Variants in PYGL observed in about 807,000 individuals in gnomAD.
PYGL encodes the protein glycogen phosphorylase, liver form.
A neutral mutation model predicts 100.1 loss-of-function variants in PYGL; 90 were observed. That is an observed-to-expected ratio of 0.90 (90% confidence interval 0.76 to 1.07). The LOEUF (loss-of-function observed/expected upper bound fraction) is 1.07, where lower values mean the gene tolerates loss of function less well. Ranked by LOEUF, PYGL falls within the 50% of genes least tolerant of loss-of-function variation. PYGL has a pLI of 0.00. For missense variants in PYGL, 1,016 were observed against 1,057.6 expected, an observed-to-expected ratio of 0.96 and a Z score of 0.55; for synonymous variants, 373 against 393.0, an observed-to-expected ratio of 0.95 and a Z score of 0.60.
chr14:50,921,215 CA>C (rs2050498044), intron 5 of PYGL, 148 bp from the exon 6 acceptor site: 2 of 658,352 alleles, frequency 3.0e-6, no homozygotes, highest in Non-Finnish European at 5.4e-6. Context: ...AAGAGGGTCT[CA>C]GGGCTGCAGA....
chr14:50,931,824 C>T, intron 3 of PYGL, 48 bp from the exon 4 acceptor site: 1 of 1,507,050 alleles, frequency 6.6e-7, no homozygotes, highest in Middle Eastern at 1.7e-4. Context: ...TAAGCTGAGC[C>T]AAAATTTCCA....
rs945914949 is a variant in PYGL at position 50,944,456 on chromosome 14, C to T, written c.-53G>A. 2 of 1,542,116 alleles carry T rather than the reference C, an allele frequency of 1.3e-6. No homozygotes were observed. The highest frequency in any genetic ancestry group is 1.4e-5 in the African/African-American group (1 of 73,238). On this transcript the variant is annotated 5_prime_UTR_variant, in exon 1 of 20. Coordinates refer to ENST00000216392, the MANE Select transcript of PYGL (RefSeq NM_002863.5). ...CTGCGCAGAGAGCTGGAAGTGCGGC[C>T]GGAGGCGCTGGGCTGCCGGGCAGGG...
At position 50,913,140 on chromosome 14, in the gene PYGL, C is replaced by T; in HGVS notation, c.1519-10G>A. On this transcript the variant is annotated splice_polypyrimidine_tract_variant and intron_variant, in intron 12 of 19. Coordinates refer to ENST00000216392, the MANE Select transcript of PYGL (RefSeq NM_002863.5). ...AGTCTTCTCCAATTTTCTTTCAATT[C>T]AAAGGAAAAGATGACTTCAATTTGG... The T allele has an allele frequency of 6.2e-7, 1 of 1,612,086 alleles. No homozygotes were observed. Among genetic ancestry groups the T allele is most frequent in the Non-Finnish European group, 8.5e-7 (1 of 1,178,574 alleles).
intron 3 of PYGL, 45 bp from the exon 4 acceptor site, chr14:50,931,821 A>G (rs1198450616): frequency 1.3e-6 from 2 of 1,546,086 alleles, no homozygotes; most frequent in South Asian, 1.1e-5. Context: ...CATTAAGCTG[A>G]GCCAAAATTT....
intron 19 of PYGL, among the ~76,000 whole-genome samples, chr14:50,907,314 G>A (rs1458770702): frequency 6.6e-6 from 1 of 151,988 alleles, no homozygotes; most frequent in Non-Finnish European, 1.5e-5. Context: ...CCCCCTCCAT[G>A]AGAAGTCCAG....
In PYGL at chr14:50,930,928, T is replaced by TA. The variant is rs1555327906; in HGVS notation, c.528+744dup. On this transcript the variant is annotated intron_variant, in intron 4 of 19. Coordinates refer to ENST00000216392, the MANE Select transcript of PYGL (RefSeq NM_002863.5). ...TGTAGACTCAAACAGTTACCAGAGA[T>TA]AAAAAAAAAATAAGTACCTAACAAT... is the stretch of plus-strand genomic sequence containing the variant. 6.8e-4 allele frequency among the ~76,000 whole-genome samples: 90 copies of TA among 132,140 alleles called. No homozygotes were observed. The South Asian group carries it at 0.011, about 16-fold the overall frequency. The allele number at this position is 132,140 out of a possible 152,430, so 86.7% of individuals were successfully genotyped here.
At chr14:50,919,677 GT>G (rs1322588386) in intron 7 of PYGL, among the ~76,000 whole-genome samples, 11 of 151,978 alleles carry the variant, frequency 7.2e-5, no homozygotes, top group African/African-American at 2.7e-4. Flanking sequence ...GTGTGTGTGT[GT>G]GTGTGTGTGT....
Position 50,905,403 on chromosome 14 carries a change from T to A in PYGL, c.2533A>T (p.Asn845Tyr). Residue 845 changes from asparagine to tyrosine, a missense_variant, in exon 20 of 20, where the codon AAT becomes TAT. By Grantham distance (143) the Asn-to-Tyr change is moderately radical. Transcript: ENST00000216392. ...GACAATTCTAGAGTTCAATTTCCAT[T>A]GACTTTGTTAGATTCATTGGATAGA... is the stretch of plus-strand genomic sequence containing the variant. The part of the protein sequence containing the change: ...ISLSNESNKV[N>Y]GN 4 of 1,612,886 alleles carry A rather than the reference T, an allele frequency of 2.5e-6. No homozygotes were observed. Among genetic ancestry groups the A allele is most frequent in the East Asian group, 2.2e-5 (1 of 44,870 alleles).
Position 50,908,928 on chromosome 14 carries a change from T to G in PYGL, c.2205A>C (p.Ala735=). The change falls in exon 18 of 20, where the codon GCA becomes GCC. Residue 735 remains alanine (A), a synonymous_variant. Transcript: ENST00000216392. ...KGYEAKEYYE[A]LPELKLVIDQ... ...CAATGACCAGCTTCAGCTCTGGAAG[T>G]GCCTCATAGTATTCTTTTGCCTCGT... The G allele has an allele frequency of 6.4e-7, 1 of 1,565,300 alleles. No homozygotes were observed. The highest frequency in any genetic ancestry group is 1.4e-5 in the African/African-American group (1 of 73,086).
chr14:50,909,067 GCATT>G, intron 17 of PYGL, 112 bp from the exon 18 acceptor site: 1 of 1,214,574 alleles, frequency 8.2e-7, no homozygotes, highest in South Asian at 1.3e-5. Flanking sequence ...AGAAATACTA[GCATT>G]CAAAGACTTC....
chr14:50,933,186 G>T (rs980789320), intron 3 of PYGL, among the ~76,000 whole-genome samples: 1 of 152,196 alleles, frequency 6.6e-6, no homozygotes, highest in Non-Finnish European at 1.5e-5. Flanking sequence ...AAGACTGAGG[G>T]CTCGGGCTTC....
chr14:50,919,055 A>G (rs1353987808), intron 7 of PYGL, among the ~76,000 whole-genome samples: 1 of 152,162 alleles, frequency 6.6e-6, no homozygotes, highest in Admixed American at 6.6e-5. Flanking sequence ...AAACAAACAA[A>G]CAAAAACATG....
At chr14:50,925,318 G>A (rs1471559084) in intron 4 of PYGL, among the ~76,000 whole-genome samples, 2 of 152,186 alleles carry the variant, frequency 1.3e-5, no homozygotes, top group Non-Finnish European at 2.9e-5. Flanking sequence ...TTGCATATGT[G>A]TTGTATTGTT....
At position 50,908,709 on chromosome 14, in the gene PYGL, T is replaced by C. The variant is rs1294013078; in HGVS notation, c.2312+112A>G. ...GCTAATCTACATGAGTGGGTTTAAG[T>C]TGGTTTAAGATTGGTTTAAGATTTT... is the stretch of plus-strand genomic sequence containing the variant. On this transcript the variant is annotated intron_variant, in intron 18 of 19. Coordinates refer to ENST00000216392, the MANE Select transcript of PYGL (RefSeq NM_002863.5). 4.2e-6 allele frequency: 6 copies of C among 1,438,614 alleles called. No homozygotes were observed. In the East Asian group the frequency reaches 1.1e-4, roughly 27 times the overall value. The allele number at this position is 1,438,614 out of a possible 1,614,324, so 89.1% of individuals were successfully genotyped here.
At chr14:50,932,527 G>T (rs1417618928) in intron 3 of PYGL, among the ~76,000 whole-genome samples, 2 of 152,196 alleles carry the variant, frequency 1.3e-5, no homozygotes, top group Admixed American at 6.5e-5. Context: ...AAGGACCAGA[G>T]ACCTGGAGTC....
At chr14:50,943,814 C>T (rs1209559073) in intron 1 of PYGL, among the ~76,000 whole-genome samples, 1 of 152,252 alleles carries the variant, frequency 6.6e-6, no homozygotes, top group Non-Finnish European at 1.5e-5. Flanking sequence ...CCCGTCACCT[C>T]TTGATTAAAT....
chr14:50,914,834 C>T lies in PYGL; in HGVS notation c.1404-19G>A, dbSNP rs1184798023. The T allele has an allele frequency of 6.3e-7, 1 of 1,586,520 alleles. No homozygotes were observed. Among genetic ancestry groups the T allele is most frequent in the East Asian group, 2.2e-5 (1 of 44,742 alleles). ...CTTGAATCTGGAGATGGAGGAGACACATCACTGAATTTGGCTGAAACGGCA... is the reference window on the plus strand; with the variant it reads ...CTTGAATCTGGAGATGGAGGAGACATATCACTGAATTTGGCTGAAACGGCA... On this transcript the variant is annotated intron_variant, in intron 11 of 19. Coordinates refer to ENST00000216392, the MANE Select transcript of PYGL (RefSeq NM_002863.5).
At chr14:50,911,674 C>T (rs2050398974) in intron 16 of PYGL, 56 bp downstream of exon 16, 1 of 1,602,254 alleles carries the variant, frequency 6.2e-7, no homozygotes, top group Non-Finnish European at 8.5e-7. Flanking sequence ...TCTTTCATAC[C>T]ATGTAATCTC....
At position 50,944,326 on chromosome 14, in the gene PYGL, T is replaced by C. The variant is rs572184134; in HGVS notation, c.78A>G (p.Ala26=). The C allele has an allele frequency of 8.5e-5, 137 of 1,613,982 alleles. No homozygotes were observed. The South Asian group carries it at 1.4e-3, about 16-fold the overall frequency. The change falls in exon 1 of 20, where the codon GCA becomes GCG. Residue 26 remains alanine, a synonymous_variant. Transcript: ENST00000216392. Reference sequence around the variant, plus strand: ...GCCGGTTGAAACTCTTCTTCAGCTCTGCCACGTTCTCCACGCCCACGATGC... The same window carrying C: ...GCCGGTTGAAACTCTTCTTCAGCTCCGCCACGTTCTCCACGCCCACGATGC... ...IRGIVGVENV[A]ELKKSFNRHL... is the part of the protein sequence containing the mutation.
Sources: gnomAD v4.1 joint callset for allele counts (sites outside exome capture counted in the v4.1 genomes callset) on GRCh38, gnomAD v4.1.1 for gene constraint, MANE v1.5 for transcripts, NCBI Gene and HGNC (gene_info 2026-07-23, HGNC 2026-07-21) for gene names.